Variants in EYA1 observed in about 807,000 individuals in gnomAD.
EYA1 encodes the protein protein phosphatase EYA1.
A neutral mutation model predicts 82.0 loss-of-function variants in EYA1; 16 were observed. That is an observed-to-expected ratio of 0.20 (90% confidence interval 0.13 to 0.30). EYA1 has a LOEUF of 0.30. Ranked by LOEUF, EYA1 falls within the 10% of genes least tolerant of loss-of-function variation. EYA1 has a pLI of 1.00. For synonymous variants in EYA1, 261 were observed against 264.4 expected, an observed-to-expected ratio of 0.99 and a Z score of 0.12; for missense variants, 633 against 730.7, an observed-to-expected ratio of 0.87 and a Z score of 1.54.
chr8:71,209,971 C>A (rs1808298743), intron 17 of EYA1, among the ~76,000 whole-genome samples: 1 of 152,166 alleles, frequency 6.6e-6, no homozygotes, highest in Non-Finnish European at 1.5e-5. Flanking sequence ...ATAACAATAG[C>A]TACCATTTGT....
intron 12 of EYA1, among the ~76,000 whole-genome samples, chr8:71,234,188 C>T (rs1171204969): frequency 3.9e-5 from 6 of 152,186 alleles, no homozygotes; most frequent in Non-Finnish European, 8.8e-5. Flanking sequence ...TGTAGTCATT[C>T]TCCTTGCCAT....
chr8:71,317,655 T>C lies in EYA1; in HGVS notation c.453A>G (p.Gly151=), dbSNP rs758236631. 10 of 1,614,012 alleles carry C rather than the reference T, an allele frequency of 6.2e-6. No homozygotes were observed. The highest frequency in any genetic ancestry group is 8.5e-6 in the Non-Finnish European group (10 of 1,179,892). ...ALWAGIKTEG[G]LSQSQSPGQT... Reference sequence around the variant, plus strand: ...GTCCAGGTGACTGAGACTGTGACAATCCACCTTCAGTCTTGATGCCTGCCC... The same window carrying C: ...GTCCAGGTGACTGAGACTGTGACAACCCACCTTCAGTCTTGATGCCTGCCC... Residue 151 remains glycine, a synonymous_variant, in exon 7 of 18, where the codon GGA becomes GGG. Transcript: ENST00000340726.
At chr8:71,353,418 TC>T (rs777652572) in intron 3 of EYA1, among the ~76,000 whole-genome samples, 1 of 152,196 alleles carries the variant, frequency 6.6e-6, no homozygotes, top group Non-Finnish European at 1.5e-5. Flanking sequence ...TGATTGCCTA[TC>T]AAAATGGGAA....
intron 2 of EYA1, among the ~76,000 whole-genome samples, chr8:71,371,935 T>C (rs1359404080): frequency 6.6e-6 from 1 of 151,810 alleles, no homozygotes; most frequent in Non-Finnish European, 1.5e-5. Context: ...AGATGGAAAA[T>C]AGAGAAGTAT....
chr8:71,198,403 T>C lies in EYA1; in HGVS notation c.*937A>G, dbSNP rs1409772729. The C allele has an allele frequency of 6.6e-6, 1 of 152,536 alleles. No homozygotes were observed. The highest frequency in any genetic ancestry group is 2.4e-5 in the African/African-American group (1 of 41,404). 9.4% of individuals were successfully genotyped at this position (152,536 alleles called of 1,614,324 possible). On this transcript the variant is annotated 3_prime_UTR_variant, in exon 18 of 18. Coordinates refer to ENST00000340726, the MANE Select transcript of EYA1 (RefSeq NM_000503.6). ...TAGAAAACAAAATCCTTACTGACAC[T>C]TGACATCCATGCTTTTGGTCTTGAC...
At chr8:71,277,132 T>TGC (rs1817289326) in intron 9 of EYA1, among the ~76,000 whole-genome samples, 1 of 139,146 alleles carries the variant, frequency 7.2e-6, no homozygotes, top group African/African-American at 2.7e-5. Context: ...TTTTTTTTTT[T>TGC]TTTTTTTTTT....
At position 71,315,807 on chromosome 8, in the gene EYA1, C is replaced by T. The variant is rs1302885980; in HGVS notation, c.556+1745G>A. 3.3e-5 allele frequency among the ~76,000 whole-genome samples: 5 copies of T among 152,254 alleles called. No homozygotes were observed. The East Asian group carries it at 5.8e-4, about 18-fold the overall frequency. On this transcript the variant is annotated intron_variant, in intron 7 of 17. Transcript: ENST00000340726. ...TGGAATGAGGCACATAAATAATATC[C>T]TTCTACCAATAAATGCTATCTGTTA...
rs9298167 is a variant in EYA1, at chr8:71,277,115, A to ATT, written c.827-5220_827-5219dup. Among the ~76,000 whole-genome samples the ATT allele has an allele frequency of 8.3e-4, 64 of 76,944 alleles. 1 individual carries two copies. Among genetic ancestry groups the ATT allele is most frequent in the South Asian group, 1.3e-3 (2 of 1,594 alleles). 50.5% of individuals were successfully genotyped at this position (76,944 alleles called of 152,430 possible). On this transcript the variant is annotated intron_variant, in intron 9 of 17. Transcript: ENST00000340726. ...GCCATGCTATTTCATGGCTTCACAC[A>ATT]TTTTTTTTTTTTTTTTTTTTTTTTT...
At chr8:71,230,434 A>G (rs1019298714) in intron 12 of EYA1, among the ~76,000 whole-genome samples, 1 of 152,200 alleles carries the variant, frequency 6.6e-6, no homozygotes, top group Non-Finnish European at 1.5e-5. Flanking sequence ...TTTCCATTCA[A>G]CAAGAAAGGA....
intron 12 of EYA1, among the ~76,000 whole-genome samples, chr8:71,243,477 A>C (rs954000710): frequency 2.6e-5 from 4 of 152,236 alleles, no homozygotes; most frequent in African/African-American, 9.6e-5. Flanking sequence ...ATTGCAAAAA[A>C]ATTTTGTATT....
intron 2 of EYA1, among the ~76,000 whole-genome samples, chr8:71,521,551 A>G (rs1813402960): frequency 1.3e-5 from 2 of 152,314 alleles, no homozygotes; most frequent in Admixed American, 1.3e-4. Context: ...CTAAAAGTAT[A>G]ATGCATGGAA....
chr8:71,486,554 C>A (rs1810584678), intron 2 of EYA1, among the ~76,000 whole-genome samples: 1 of 152,170 alleles, frequency 6.6e-6, no homozygotes, highest in Admixed American at 6.5e-5. Context: ...TAGGGAGAAG[C>A]TGGCTATGTG....
At chr8:71,302,287 A>G (rs1296118515) in intron 7 of EYA1, among the ~76,000 whole-genome samples, 1 of 152,196 alleles carries the variant, frequency 6.6e-6, no homozygotes, top group East Asian at 1.9e-4. Context: ...TAGAAAATAT[A>G]TTTTTAAAAT....
chr8:71,233,187 CA>C (rs1811400421), intron 12 of EYA1, among the ~76,000 whole-genome samples: 1 of 152,184 alleles, frequency 6.6e-6, no homozygotes, highest in Non-Finnish European at 1.5e-5. Context: ...AAAGTAAAAA[CA>C]GAAAATTTCT....
intron 2 of EYA1, among the ~76,000 whole-genome samples, chr8:71,463,575 TTCTCTCTCTCTC>T (rs776367934): frequency 0.021 from 862 of 41,142 alleles, 20 homozygotes; most frequent in African/African-American, 0.026. Flanking sequence ...AATACATGCT[TTCTCTCTCTCTC>T]TCTCTCTCTC....
intron 12 of EYA1, among the ~76,000 whole-genome samples, chr8:71,227,122 A>G (rs1810656169): frequency 6.6e-6 from 1 of 152,208 alleles, no homozygotes; most frequent in Non-Finnish European, 1.5e-5. Context: ...ATTAATGTGT[A>G]AGCTAATTAT....
At chr8:71,530,783 A>G (rs550935859) in intron 2 of EYA1, 2 of 152,220 alleles carry the variant, frequency 1.3e-5, no homozygotes, top group African/African-American at 2.4e-5. Context: ...TTTATTTAAT[A>G]GTTTTCTTGC....
chr8:71,512,274 A>C (rs1812656482), intron 2 of EYA1, among the ~76,000 whole-genome samples: 1 of 152,194 alleles, frequency 6.6e-6, no homozygotes, highest in Non-Finnish European at 1.5e-5. Flanking sequence ...AATTTCAGAA[A>C]GATGTCCAAT....
At position 71,361,945 on chromosome 8, in the gene EYA1, G is replaced by A. The variant is rs902072559; in HGVS notation, c.-353C>T. ...GCAACAGGAAGGCTTAAAGTCGGAA[G>A]TGGCACTGGAGAGTTTCTACCTCGC... On this transcript the variant is annotated 5_prime_UTR_variant, in exon 1 of 18. Coordinates refer to ENST00000340726, the MANE Select transcript of EYA1 (RefSeq NM_000503.6). The A allele has an allele frequency of 2.0e-6, 2 of 985,344 alleles. No homozygotes were observed. The highest frequency in any genetic ancestry group is 1.7e-5 in the African/African-American group (1 of 57,236). The allele number at this position is 985,344 out of a possible 1,614,324, so 61.0% of individuals were successfully genotyped here. A position where few individuals can be genotyped will look rare whatever the true frequency, so the allele number is the denominator to read the frequency against.
Sources: gnomAD v4.1 joint callset for allele counts (sites outside exome capture counted in the v4.1 genomes callset) on GRCh38, gnomAD v4.1.1 for gene constraint, MANE v1.5 for transcripts, NCBI Gene and HGNC (gene_info 2026-07-23, HGNC 2026-07-21) for gene names.